The following RALGAPB variants were observed in gnomAD, a reference collection of about 807,000 sequenced individuals.
RALGAPB encodes the protein ral GTPase-activating protein subunit beta.
RALGAPB carries 25 observed loss-of-function variants against 161.1 expected under a neutral mutation model. The observed-to-expected ratio is 0.16, with a 90% CI of 0.11 to 0.22. The LOEUF (loss-of-function observed/expected upper bound fraction) is 0.22, where lower values mean the gene tolerates loss of function less well. RALGAPB is among the 10% of genes least tolerant of loss of function. The pLI is 1.00. For synonymous variants in RALGAPB, 629 were observed against 626.1 expected (o/e 1.00, Z -0.07); for missense variants, 1,391 against 1,815.2 (o/e 0.77, Z 4.25).
intron 26 of RALGAPB, chr20:38,568,506 C>T (rs1301101113): frequency 2.0e-5 from 3 of 152,138 alleles, no homozygotes; most frequent in Non-Finnish European, 2.9e-5. Flanking sequence ...TCACCACTTA[C>T]GTTCAACATG....
intron 5 of RALGAPB, among the ~76,000 whole-genome samples, chr20:38,501,722 G>C (rs2122966310): frequency 6.6e-6 from 1 of 152,162 alleles, no homozygotes; most frequent in Non-Finnish European, 1.5e-5. Context: ...CAAATCTTAA[G>C]AAATACAGCT....
intron 5 of RALGAPB, 120 bp from the exon 6 acceptor site, chr20:38,508,957 G>A (rs1255251434): frequency 8.9e-7 from 1 of 1,123,688 alleles, no homozygotes; most frequent in African/African-American, 1.6e-5. Flanking sequence ...GTTTCCATAT[G>A]TCTTGTTCAC....
intron 25 of RALGAPB, 63 bp downstream of exon 25, chr20:38,565,541 A>T: frequency 1.3e-6 from 2 of 1,555,196 alleles, no homozygotes. Flanking sequence ...GTTGTGTGAT[A>T]TTACTGCATT....
At chr20:38,473,755 G>A (rs1170777628) in intron 1 of RALGAPB, among the ~76,000 whole-genome samples, 3 of 152,208 alleles carry the variant, frequency 2.0e-5, no homozygotes, top group Non-Finnish European at 4.4e-5. Context: ...TCACCTGGGG[G>A]AAATTGTAAA....
chr20:38,520,524 C>CTTTTTTTTTTTTTTTTTTTTTT, intron 9 of RALGAPB, among the ~76,000 whole-genome samples: 1 of 70,322 alleles, frequency 1.4e-5, no homozygotes, highest in Admixed American at 1.6e-4. Flanking sequence ...TGTGTTTTGG[C>CTTTTTTTTTTTTTTTTTTTTTT]TTTTTTTTTT....
rs1053338880 is a variant in RALGAPB at position 38,472,875 on chromosome 20, C to T, written c.-225C>T. The stretch of plus-strand genomic sequence containing the variant: ...AGTTGCCTGAGCAGATCCCAGCCGG[C>T]TGGCTCGAGTGGCCTTCGTCGTCCC... On this transcript the variant is annotated 5_prime_UTR_variant, in exon 1 of 30. Transcript: ENST00000262879. 14 of 398,880 alleles carry T rather than the reference C, an allele frequency of 3.5e-5. No homozygotes were observed. Among genetic ancestry groups the T allele is most frequent in the Non-Finnish European group, 6.2e-5 (14 of 226,032 alleles). The allele number at this position is 398,880 out of a possible 1,614,324, so 24.7% of individuals were successfully genotyped here.
In RALGAPB at chr20:38,574,856, C is replaced by T. The variant is rs774343691; in HGVS notation, c.4374C>T (p.Arg1458=). 8 of 1,613,670 alleles carry T rather than the reference C, an allele frequency of 5.0e-6. No individual in the cohort carries two copies. Among genetic ancestry groups the T allele is most frequent in the Non-Finnish European group, 5.9e-6 (7 of 1,179,596 alleles). The change falls in exon 30 of 30, where the codon CGC becomes CGT. Residue 1458 remains arginine (R), a synonymous_variant. Coordinates refer to ENST00000262879, the MANE Select transcript of RALGAPB (RefSeq NM_020336.4). ...ESDSYSPPHV[R]RKQKITDIVN... is the part of the protein sequence containing the mutation. ...ACTCCTACAGTCCCCCCCATGTCCG[C>T]CGGAAACAGAAAATCACCGACATTG... is the stretch of plus-strand genomic sequence containing the variant.
chr20:38,530,382 T>C (rs1473673557), intron 13 of RALGAPB, among the ~76,000 whole-genome samples: 2 of 152,112 alleles, frequency 1.3e-5, no homozygotes, highest in African/African-American at 4.8e-5. Context: ...GGTCTGTAAG[T>C]GTTTGTGTAC....
At position 38,478,836 on chromosome 20, in the gene RALGAPB, G is replaced by T. The variant is rs906223898; in HGVS notation, c.-31+5767G>T. 2.0e-5 allele frequency among the ~76,000 whole-genome samples: 3 copies of T among 151,992 alleles called. No individual in the cohort carries two copies. In the East Asian group the frequency reaches 5.8e-4, roughly 29 times the overall value. On this transcript the variant is annotated intron_variant, in intron 1 of 29. Coordinates refer to ENST00000262879, the MANE Select transcript of RALGAPB (RefSeq NM_020336.4). ...TCTACATGTTGGTCAGGCTGGTCTC[G>T]AACTCCCGACCTCAGGTGATCTGCC...
At chr20:38,569,316 A>G (rs1383876970) in intron 26 of RALGAPB, 3 of 150,262 alleles carry the variant, frequency 2.0e-5, no homozygotes, top group Non-Finnish European at 4.3e-5. Context: ...TAGTCCTGTT[A>G]ACCTTGCAGT....
At position 38,511,478 on chromosome 20, in the gene RALGAPB, C is replaced by G. The variant is rs193149221; in HGVS notation, c.872+2270C>G. Among the ~76,000 whole-genome samples the G allele has an allele frequency of 8.6e-4, 131 of 151,924 alleles. 1 individual carries two copies. The highest frequency in any genetic ancestry group is 3.4e-3 in the Middle Eastern group (1 of 294). The stretch of plus-strand genomic sequence containing the variant: ...GGTTTTCCTAGGCAGAGGGCCCTGC[C>G]GCCTTCCGCAGTGTTTGTGTCCCTG... On this transcript the variant is annotated intron_variant, in intron 6 of 29. Coordinates refer to ENST00000262879, the MANE Select transcript of RALGAPB (RefSeq NM_020336.4).
At chr20:38,535,666 C>T (rs1046534108) in intron 16 of RALGAPB, among the ~76,000 whole-genome samples, 3 of 150,256 alleles carry the variant, frequency 2.0e-5, no homozygotes, top group Non-Finnish European at 4.4e-5. Context: ...AAACTTGTTG[C>T]ACTGCAGCCT....
At chr20:38,512,798 C>T (rs1336698415) in intron 6 of RALGAPB, among the ~76,000 whole-genome samples, 4 of 152,130 alleles carry the variant, frequency 2.6e-5, no homozygotes. Flanking sequence ...CTCGCTCTGT[C>T]ACCCAGGCTG....
At chr20:38,485,161 T>C (rs2085079160) in intron 1 of RALGAPB, among the ~76,000 whole-genome samples, 1 of 152,224 alleles carries the variant, frequency 6.6e-6, no homozygotes, top group Non-Finnish European at 1.5e-5. Flanking sequence ...ATTTTTAGGC[T>C]CAGACAATGG....
chr20:38,525,876 TTA>T lies in RALGAPB; in HGVS notation c.1903-17_1903-16del, dbSNP rs1218039848. 8.7e-6 allele frequency: 14 copies of T among 1,608,940 alleles called. No homozygotes were observed. The highest frequency in any genetic ancestry group is 2.7e-5 in the African/African-American group (2 of 74,476). On this transcript the variant is annotated splice_polypyrimidine_tract_variant and intron_variant, in intron 12 of 29. Coordinates refer to ENST00000262879, the MANE Select transcript of RALGAPB (RefSeq NM_020336.4). ...AAGCTGCAACAGCTGATGTTAAATA[TTA>T]TTTGTTTTTTCCATAGGTGGTCCTG... is the stretch of plus-strand genomic sequence containing the variant.
chr20:38,541,712 T>C (rs1210494791), intron 18 of RALGAPB, among the ~76,000 whole-genome samples: 5 of 152,148 alleles, frequency 3.3e-5, no homozygotes, highest in Admixed American at 6.6e-5. Flanking sequence ...AGATAAAATA[T>C]GAACACAAAT....
Position 38,482,861 on chromosome 20 carries a change from A to G in RALGAPB, c.-30-5542A>G, listed in dbSNP as rs568175757. ...TGATTCTTTAATCACCACCACAAGAAACACAATGTGTAGGCTCCTAATCTA... is the reference window on the plus strand; with the variant it reads ...TGATTCTTTAATCACCACCACAAGAGACACAATGTGTAGGCTCCTAATCTA... On this transcript the variant is annotated intron_variant, in intron 1 of 29. Transcript: ENST00000262879. 1.7e-4 allele frequency among the ~76,000 whole-genome samples: 26 copies of G among 152,218 alleles called. No homozygotes were observed. The South Asian group carries it at 5.4e-3, about 32-fold the overall frequency.
At chr20:38,487,896 G>C (rs1402647620) in intron 1 of RALGAPB, among the ~76,000 whole-genome samples, 1 of 152,028 alleles carries the variant, frequency 6.6e-6, no homozygotes, top group East Asian at 1.9e-4. Context: ...GAGAAACCCT[G>C]CCTCTACTAA....
rs759858506 is a variant in RALGAPB at position 38,525,993 on chromosome 20, A to C, written c.2001A>C (p.Ile667=). 1 of 1,613,968 alleles carries C rather than the reference A, an allele frequency of 6.2e-7. No homozygotes were observed. The highest frequency in any genetic ancestry group is 1.7e-5 in the Admixed American group (1 of 59,996). Residue 667 remains isoleucine, a synonymous_variant, in exon 13 of 30, where the codon ATA becomes ATC. Coordinates refer to ENST00000262879, the MANE Select transcript of RALGAPB (RefSeq NM_020336.4). Reference sequence around the variant, plus strand: ...AGTTGAGACTTGTGAATATATTAATAGGTGCCTTGCAAACTGAAACGGACC... The same window carrying C: ...AGTTGAGACTTGTGAATATATTAATCGGTGCCTTGCAAACTGAAACGGACC... ...SLKLRLVNIL[I]GALQTETDPN...
Sources: gnomAD v4.1 joint callset for allele counts (sites outside exome capture counted in the v4.1 genomes callset) on GRCh38, gnomAD v4.1.1 for gene constraint, MANE v1.5 for transcripts, NCBI Gene and HGNC (gene_info 2026-07-23, HGNC 2026-07-21) for gene names.